SGCZ: variants seen among roughly 807,000 people sequenced by gnomAD.
SGCZ encodes the protein zeta-sarcoglycan.
In SGCZ, 40 loss-of-function variants were observed where a neutral mutation model predicts 41.3. The observed-to-expected ratio is 0.97, with a 90% CI of 0.75 to 1.26. The LOEUF is 1.26. Ranked by LOEUF, SGCZ falls within the 50% of genes most tolerant of loss-of-function variation. SGCZ has a pLI of 0.00. For synonymous variants in SGCZ, 206 were observed against 137.5 expected (o/e 1.50, Z -3.49); for missense variants, 552 against 369.8 (o/e 1.49, Z -4.04).
rs531819747 is a variant in SGCZ, at chr8:14,487,117, C to A, written c.234+67615G>T. 1.8e-4 allele frequency among the ~76,000 whole-genome samples: 28 copies of A among 152,278 alleles called. No individual in the cohort carries two copies. In the South Asian group the frequency reaches 5.6e-3, roughly 30 times the overall value. ...AGGGAATGTGGTTCCATAATGGAAT[C>A]ATTTGCCTTTAATAGGTTATCCAAA... On this transcript the variant is annotated intron_variant, in intron 2 of 7. Transcript: ENST00000382080.
chr8:14,862,535 G>GATATATATAT (rs59769861), intron 1 of SGCZ, among the ~76,000 whole-genome samples: 9 of 61,576 alleles, frequency 1.5e-4, no homozygotes, highest in East Asian at 5.6e-4. Flanking sequence ...GCATCTTTAA[G>GATATATATAT]ATATATATAT....
chr8:14,795,774 G>T (rs1026716384), intron 1 of SGCZ, among the ~76,000 whole-genome samples: 1 of 151,930 alleles, frequency 6.6e-6, no homozygotes, highest in Non-Finnish European at 1.5e-5. Context: ...TATCACCCAG[G>T]TTTTAAGCCT....
At chr8:14,439,897 T>G (rs942454020) in intron 2 of SGCZ, among the ~76,000 whole-genome samples, 1 of 152,016 alleles carries the variant, frequency 6.6e-6, no homozygotes, top group Admixed American at 6.6e-5. Context: ...AACTATTCTG[T>G]GTCCAATCCA....
intron 1 of SGCZ, among the ~76,000 whole-genome samples, chr8:14,640,651 T>G (rs1036270886): frequency 3.4e-5 from 1 of 29,146 alleles, no homozygotes; most frequent in Non-Finnish European, 8.0e-5. Flanking sequence ...TATATAGGGG[T>G]GTGTGTGTGT....
At chr8:14,374,891 A>C (rs1585421416) in intron 2 of SGCZ, among the ~76,000 whole-genome samples, 1 of 152,192 alleles carries the variant, frequency 6.6e-6, no homozygotes, top group Non-Finnish European at 1.5e-5. Context: ...GCATTGTTCA[A>C]ATTTCAGAAT....
At chr8:14,503,713 A>G (rs1802223300) in intron 2 of SGCZ, among the ~76,000 whole-genome samples, 1 of 151,816 alleles carries the variant, frequency 6.6e-6, no homozygotes, top group South Asian at 2.1e-4. Flanking sequence ...GGTTGCAGTG[A>G]GCCGAGATCA....
chr8:14,994,860 T>C lies in SGCZ; in HGVS notation c.39+242725A>G, dbSNP rs74910491. ...GTTTTTTCTTAAAATACTAGGCATA[T>C]TGTGTTGACCCTCCCCAAAATGCTC... On this transcript the variant is annotated intron_variant, in intron 1 of 7. Transcript: ENST00000382080. Among the ~76,000 whole-genome samples, 1,477 of 152,342 alleles carry C rather than the reference T, an allele frequency of 9.7e-3. 14 individuals carry two copies. Among genetic ancestry groups the C allele is most frequent in the South Asian group, 0.025 (122 of 4,830 alleles).
At position 14,994,060 on chromosome 8, in the gene SGCZ, G is replaced by C. The variant is rs1461854430; in HGVS notation, c.39+243525C>G. 2.6e-5 allele frequency among the ~76,000 whole-genome samples: 4 copies of C among 152,180 alleles called. No individual in the cohort carries two copies. In the South Asian group the frequency reaches 8.3e-4, roughly 31 times the overall value. ...GTCATGGCTGTGGAGGTAATGAGAA[G>C]TGATTGGGTTCTGAGTATATTTTAA... On this transcript the variant is annotated intron_variant, in intron 1 of 7. Transcript: ENST00000382080.
chr8:15,021,446 G>A (rs1470023359), intron 1 of SGCZ, among the ~76,000 whole-genome samples: 1 of 152,166 alleles, frequency 6.6e-6, no homozygotes, highest in Non-Finnish European at 1.5e-5. Context: ...ATACAGATCA[G>A]AATCTGTTGG....
At chr8:14,847,295 A>G (rs1803165247) in intron 1 of SGCZ, among the ~76,000 whole-genome samples, 1 of 152,152 alleles carries the variant, frequency 6.6e-6, no homozygotes. Flanking sequence ...TGATATGAAG[A>G]CTTGATAAAG....
At chr8:14,840,036 G>A (rs1000243382) in intron 1 of SGCZ, among the ~76,000 whole-genome samples, 6 of 151,766 alleles carry the variant, frequency 4.0e-5, no homozygotes, top group East Asian at 3.9e-4. Context: ...CCAGTAATGC[G>A]GAGAAACCAA....
chr8:14,199,598 C>T (rs534694774), intron 4 of SGCZ, among the ~76,000 whole-genome samples: 4 of 152,114 alleles, frequency 2.6e-5, no homozygotes, highest in Admixed American at 2.6e-4. Context: ...GGGGGCATCA[C>T]GGAACCTGCT....
chr8:14,457,835 A>G (rs1800792368), intron 2 of SGCZ, among the ~76,000 whole-genome samples: 1 of 152,126 alleles, frequency 6.6e-6, no homozygotes, highest in African/African-American at 2.4e-5. Flanking sequence ...CCTTGTATCC[A>G]ATAAATAACA....
chr8:15,172,159 T>TTTTG (rs1554471120), intron 1 of SGCZ, among the ~76,000 whole-genome samples: 3 of 97,006 alleles, frequency 3.1e-5, no homozygotes, highest in South Asian at 4.1e-4. Flanking sequence ...ACTCTGTTTT[T>TTTTG]TTTTTTTTTT....
chr8:14,198,682 T>G (rs1338216965), intron 4 of SGCZ, among the ~76,000 whole-genome samples: 1 of 152,142 alleles, frequency 6.6e-6, no homozygotes, highest in Non-Finnish European at 1.5e-5. Flanking sequence ...AATATTCTGT[T>G]GCGTGAAGTC....
chr8:14,533,290 T>C (rs1052631016), intron 2 of SGCZ, among the ~76,000 whole-genome samples: 7 of 152,082 alleles, frequency 4.6e-5, no homozygotes, highest in African/African-American at 1.7e-4. Flanking sequence ...CAATGTACCT[T>C]TGTAAAATTT....
intron 1 of SGCZ, among the ~76,000 whole-genome samples, chr8:14,727,441 A>G (rs1189506569): frequency 1.3e-5 from 2 of 152,160 alleles, no homozygotes; most frequent in East Asian, 1.9e-4. Flanking sequence ...GAAATTTAAT[A>G]TAAATCTATC....
chr8:14,604,204 C>T (rs1805676414), intron 1 of SGCZ, among the ~76,000 whole-genome samples: 3 of 152,016 alleles, frequency 2.0e-5, no homozygotes, highest in South Asian at 2.1e-4. Flanking sequence ...TACAAATAGA[C>T]TTATAGAAGA....
At chr8:14,393,539 C>T (rs1307271927) in intron 2 of SGCZ, among the ~76,000 whole-genome samples, 2 of 152,118 alleles carry the variant, frequency 1.3e-5, no homozygotes, top group Non-Finnish European at 2.9e-5. Context: ...ACCTGTGAGC[C>T]CTATGTAAAT....
Sources: allele counts gnomAD v4.1 joint callset (sites outside exome capture counted in the v4.1 genomes callset), GRCh38; gene constraint gnomAD v4.1.1; transcripts MANE v1.5; gene names NCBI Gene and HGNC (gene_info 2026-07-23, HGNC 2026-07-21).